CNTN1: variants seen among roughly 807,000 people sequenced by gnomAD.
CNTN1 encodes the protein contactin 1.
CNTN1 carries 38 observed loss-of-function variants against 126.4 expected under a neutral mutation model. The ratio of observed to expected loss-of-function variants is 0.30; its 90% CI spans 0.23 to 0.39. The LOEUF is 0.39. CNTN1 is among the 10% of genes least tolerant of loss of function. The pLI is 1.00. For synonymous variants in CNTN1, 413 were observed against 422.6 expected (o/e 0.98, Z 0.28); for missense variants, 1,009 against 1,248.4 (o/e 0.81, Z 2.89).
At chr12:41,020,971 C>T (rs1043757263) in intron 20 of CNTN1, among the ~76,000 whole-genome samples, 8 of 152,078 alleles carry the variant, frequency 5.3e-5, no homozygotes, top group East Asian at 1.9e-4. Flanking sequence ...ATCAGTCAGA[C>T]GCAAATGAGA....
chr12:41,042,903 G>T (rs1949449491), intron 23 of CNTN1, among the ~76,000 whole-genome samples: 1 of 152,264 alleles, frequency 6.6e-6, no homozygotes, highest in African/African-American at 2.4e-5. Flanking sequence ...ATGGGGAAAG[G>T]ATTCCCTATT....
chr12:40,874,131 T>C (rs1943593857), intron 1 of CNTN1, among the ~76,000 whole-genome samples: 3 of 152,130 alleles, frequency 2.0e-5, no homozygotes, highest in African/African-American at 7.2e-5. Flanking sequence ...CCATGTATTC[T>C]TGGGATCATT....
At chr12:40,851,346 T>C (rs1237898344) in intron 1 of CNTN1, among the ~76,000 whole-genome samples, 1 of 152,220 alleles carries the variant, frequency 6.6e-6, no homozygotes, top group African/African-American at 2.4e-5. Flanking sequence ...AGCCCTAGTT[T>C]AGAAAAAAGT....
intron 12 of CNTN1, among the ~76,000 whole-genome samples, chr12:40,940,769 T>C (rs1034061955): frequency 4.6e-5 from 7 of 152,156 alleles, no homozygotes; most frequent in African/African-American, 1.7e-4. Context: ...AAAGTTAATA[T>C]GTTTGACCTC....
intron 23 of CNTN1, among the ~76,000 whole-genome samples, chr12:41,046,847 C>CTTTTTTTTTTTTTTT (rs56655599): frequency 3.4e-5 from 4 of 118,992 alleles, no homozygotes; most frequent in South Asian, 2.9e-4. Flanking sequence ...TTGCTTATTT[C>CTTTTTTTTTTTTTTT]TTTTTTTTTT....
At chr12:40,730,450 A>T (rs1942465580) in intron 1 of CNTN1, among the ~76,000 whole-genome samples, 1 of 152,230 alleles carries the variant, frequency 6.6e-6, no homozygotes, top group South Asian at 2.1e-4. Context: ...GATTCTGTTT[A>T]GTAAACCTGA....
At chr12:40,838,758 T>A (rs193282039) in intron 1 of CNTN1, among the ~76,000 whole-genome samples, 1 of 152,020 alleles carries the variant, frequency 6.6e-6, no homozygotes, top group African/African-American at 2.4e-5. Context: ...CATAGAAATA[T>A]CCTTAGGAAA....
chr12:40,830,981 T>A (rs552859097), intron 1 of CNTN1, among the ~76,000 whole-genome samples: 23 of 124,548 alleles, frequency 1.8e-4, no homozygotes, highest in Middle Eastern at 6.7e-3. Flanking sequence ...ACACACACAC[T>A]ATATATGAAA....
chr12:40,926,744 G>C (rs868542857), intron 6 of CNTN1, among the ~76,000 whole-genome samples: 1 of 151,976 alleles, frequency 6.6e-6, no homozygotes, highest in African/African-American at 2.4e-5. Context: ...GCATATTCTA[G>C]ATAAAATAGA....
In CNTN1 at chr12:40,922,159, A is replaced by AT. The variant is rs1331256121; in HGVS notation, c.228-96dup. On this transcript the variant is annotated intron_variant, in intron 4 of 23. Coordinates refer to ENST00000551295, the MANE Select transcript of CNTN1 (RefSeq NM_001843.4). Reference sequence around the variant, plus strand: ...CATATTCTTAATTGTCTGACTTCACATGGAGCCGTACCCAAATTATTTTAG... The same window carrying AT: ...CATATTCTTAATTGTCTGACTTCACATTGGAGCCGTACCCAAATTATTTTAG... 1.6e-4 allele frequency: 157 copies of AT among 990,944 alleles called. No homozygotes were observed. The East Asian group carries it at 3.8e-3, about 24-fold the overall frequency. 61.4% of individuals were successfully genotyped at this position (990,944 alleles called of 1,614,324 possible). A position where few individuals can be genotyped will look rare whatever the true frequency, so the allele number is the denominator to read the frequency against.
chr12:40,939,527 A>G, intron 12 of CNTN1, 42 bp downstream of exon 12: 2 of 1,606,618 alleles, frequency 1.2e-6, no homozygotes, highest in Non-Finnish European at 1.7e-6. Context: ...AATCTGTTTG[A>G]AAAAGTTTAT....
intron 1 of CNTN1, among the ~76,000 whole-genome samples, chr12:40,694,707 TC>T (rs2121077809): frequency 6.6e-6 from 1 of 152,352 alleles, no homozygotes; most frequent in Admixed American, 6.5e-5. Context: ...AATTATTTAA[TC>T]TACCAAGTTA....
At chr12:40,934,429 CT>C (rs35534983) in intron 9 of CNTN1, among the ~76,000 whole-genome samples, 8,205 of 138,154 alleles carry the variant, frequency 0.059, 202 homozygotes, top group Middle Eastern at 0.11. Context: ...TTTAAGAAAT[CT>C]TTTTTTTTTT....
At chr12:41,010,970 C>T (rs1014175014) in intron 17 of CNTN1, among the ~76,000 whole-genome samples, 2 of 152,060 alleles carry the variant, frequency 1.3e-5, no homozygotes, top group Non-Finnish European at 2.9e-5. Flanking sequence ...CCACAGGAGA[C>T]ATGTTGTTCA....
chr12:40,777,735 C>T (rs905095772), intron 1 of CNTN1, among the ~76,000 whole-genome samples: 4 of 151,698 alleles, frequency 2.6e-5, no homozygotes, highest in Admixed American at 6.6e-5. Context: ...GGTAGCTCTG[C>T]GTAATGCTGT....
chr12:40,845,022 C>G (rs149220302), intron 1 of CNTN1, among the ~76,000 whole-genome samples: 167 of 152,174 alleles, frequency 1.1e-3, no homozygotes, highest in African/African-American at 3.8e-3. Flanking sequence ...ATCTTAACCA[C>G]GGAAGAGTAA....
chr12:40,998,201 A>G (rs1223846506), intron 17 of CNTN1, among the ~76,000 whole-genome samples: 1 of 152,176 alleles, frequency 6.6e-6, no homozygotes, highest in Non-Finnish European at 1.5e-5. Flanking sequence ...TTGTCCATAT[A>G]CTGATGAAAG....
At chr12:40,940,880 C>T (rs1042908860) in intron 12 of CNTN1, among the ~76,000 whole-genome samples, 1 of 152,190 alleles carries the variant, frequency 6.6e-6, no homozygotes, top group African/African-American at 2.4e-5. Flanking sequence ...AGACAATGAG[C>T]AATGCAGAGA....
At chr12:40,763,531 A>G (rs1307860379) in intron 1 of CNTN1, among the ~76,000 whole-genome samples, 2 of 152,182 alleles carry the variant, frequency 1.3e-5, no homozygotes, top group East Asian at 3.9e-4. Flanking sequence ...AACACATTGT[A>G]TTAGGAAAAT....
Sources: gnomAD v4.1 joint callset for allele counts (sites outside exome capture counted in the v4.1 genomes callset) on GRCh38, gnomAD v4.1.1 for gene constraint, MANE v1.5 for transcripts, NCBI Gene and HGNC (gene_info 2026-07-23, HGNC 2026-07-21) for gene names.